Variants in CNTRL observed in about 807,000 individuals in gnomAD.
CNTRL encodes 110 kDa centrosomal protein.
A neutral mutation model predicts 303.7 loss-of-function variants in CNTRL; 233 were observed. The ratio of observed to expected loss-of-function variants is 0.77; its 90% CI spans 0.69 to 0.86. The LOEUF is 0.86. CNTRL is among the 40% of genes least tolerant of loss of function. CNTRL has a pLI of 0.00. For missense variants in CNTRL, 2,524 were observed against 2,650.6 expected (o/e 0.95, Z 1.05); for synonymous variants, 900 against 922.2 (o/e 0.98, Z 0.44).
chr9:121,140,501 G>A (rs1246738273), intron 16 of CNTRL, 140 bp from the exon 17 acceptor site: 7 of 661,262 alleles, frequency 1.1e-5, no homozygotes, highest in Admixed American at 3.6e-5. Context: ...TTAATCATAC[G>A]GAAATTTTAG....
At chr9:121,146,619 A>G (rs947707518) in intron 23 of CNTRL, among the ~76,000 whole-genome samples, 10 of 152,234 alleles carry the variant, frequency 6.6e-5, no homozygotes, top group Non-Finnish European at 1.5e-4. Context: ...TTCAGTGTTT[A>G]CTGAAGCCTA....
At chr9:121,172,254 G>A (rs915506437) in intron 40 of CNTRL, among the ~76,000 whole-genome samples, 2 of 152,228 alleles carry the variant, frequency 1.3e-5, no homozygotes, top group Admixed American at 1.3e-4. Flanking sequence ...AAGGCAATTA[G>A]CAGTAGGTAT....
intron 7 of CNTRL, among the ~76,000 whole-genome samples, chr9:121,107,161 T>A (rs988105513): frequency 1.3e-4 from 20 of 151,942 alleles, no homozygotes; most frequent in South Asian, 4.2e-4. Flanking sequence ...CTTCTCAAAA[T>A]TTTTTTTTAA....
chr9:121,154,700 G>A (rs369866617), intron 26 of CNTRL, 21 bp from the exon 27 acceptor site: 1 of 1,434,030 alleles, frequency 7.0e-7, no homozygotes. Flanking sequence ...TTTTTTAATG[G>A]GTGTATATAT....
At chr9:121,154,689 A>AT in intron 26 of CNTRL, 32 bp from the exon 27 acceptor site, 1 of 1,369,620 alleles carries the variant, frequency 7.3e-7, no homozygotes, top group African/African-American at 1.4e-5. Context: ...TACATTTAAC[A>AT]TTTTTTAATG....
In CNTRL at chr9:121,158,891, A is replaced by G; in HGVS notation, c.4801A>G (p.Arg1601Gly). ...GCAGCAGGAGATGGCTGTCTTGGAC[A>G]GGCAGTTAGGGCATAAAAAGGAGGA... ...SQQQEMAVLD[R>G]QLGHKKEELH... is the part of the protein sequence containing the mutation. Residue 1601 changes from arginine (R) to glycine (G), a missense_variant, in exon 31 of 44, where the codon AGG becomes GGG. Coordinates refer to ENST00000373855, the MANE Select transcript of CNTRL (RefSeq NM_007018.6). 1.2e-6 allele frequency: 2 copies of G among 1,614,148 alleles called. No homozygotes were observed. Among genetic ancestry groups the G allele is most frequent in the Non-Finnish European group, 1.7e-6 (2 of 1,180,020 alleles).
At chr9:121,124,849 G>T (rs2050420889) in intron 13 of CNTRL, among the ~76,000 whole-genome samples, 1 of 151,678 alleles carries the variant, frequency 6.6e-6, no homozygotes, top group African/African-American at 2.4e-5. Context: ...GAGACTGAGG[G>T]TGGAGGATCA....
At chr9:121,177,019 T>G (rs777242590) in intron 43 of CNTRL, 144 bp from the exon 44 acceptor site, 5 of 670,454 alleles carry the variant, frequency 7.5e-6, no homozygotes, top group Non-Finnish European at 1.3e-5. Context: ...TCTCAGAATT[T>G]TGTACACTGG....
chr9:121,108,902 A>C (rs932005636), intron 8 of CNTRL, among the ~76,000 whole-genome samples: 3 of 152,240 alleles, frequency 2.0e-5, no homozygotes, highest in Admixed American at 6.5e-5. Context: ...CCCAGATATT[A>C]ATACTTTGTT....
At chr9:121,148,498 G>T (rs1041654047) in intron 23 of CNTRL, among the ~76,000 whole-genome samples, 174 bp from the exon 24 acceptor site, 1 of 152,156 alleles carries the variant, frequency 6.6e-6, no homozygotes, top group Non-Finnish European at 1.5e-5. Flanking sequence ...GTATGGAACT[G>T]CAGTTTATGT....
In CNTRL at chr9:121,148,851, T is replaced by G. The variant is rs1473295942; in HGVS notation, c.3639T>G (p.Phe1213Leu). Reference protein sequence around the residue: ...SPIRSGLHKLFPSRDADSGGD... With the variant: ...SPIRSGLHKLLPSRDADSGGD... The stretch of plus-strand genomic sequence containing the variant: ...TCAGGAGTGGGTTACATAAACTGTT[T>G]CCAAGTAGAGGTAAGTCAAATCACA... Residue 1213 changes from phenylalanine (F) to leucine (L), a missense_variant, in exon 24 of 44, where the codon TTT (phenylalanine) becomes TTG (leucine). Physicochemically the swap from Phe to Leu is conservative, Grantham distance 22. Transcript: ENST00000373855. 6 of 1,612,368 alleles carry G rather than the reference T, an allele frequency of 3.7e-6. No individual in the cohort carries two copies. Among genetic ancestry groups the G allele is most frequent in the Middle Eastern group, 1.9e-4 (1 of 5,382 alleles).
chr9:121,177,027 T>C, intron 43 of CNTRL, 136 bp from the exon 44 acceptor site: 1 of 689,422 alleles, frequency 1.5e-6, no homozygotes, highest in Non-Finnish European at 2.5e-6. Context: ...TTTTGTACAC[T>C]GGTTCATCTT....
chr9:121,166,231 C>G, intron 36 of CNTRL, 51 bp downstream of exon 36: 1 of 1,316,330 alleles, frequency 7.6e-7, no homozygotes, highest in Non-Finnish European at 1.1e-6. Context: ...GTATGCAGAC[C>G]ATTGGTTTAA....
intron 1 of CNTRL, among the ~76,000 whole-genome samples, chr9:121,078,008 AT>A (rs1423506658): frequency 2.0e-5 from 3 of 152,182 alleles, no homozygotes; most frequent in African/African-American, 4.8e-5. Flanking sequence ...CTTTTAATCC[AT>A]TTAATTAGGA....
intron 16 of CNTRL, among the ~76,000 whole-genome samples, 162 bp from the exon 17 acceptor site, chr9:121,140,479 G>T (rs2051442143): frequency 6.6e-6 from 1 of 152,212 alleles, no homozygotes; most frequent in African/African-American, 2.4e-5. Context: ...GTTACACTGA[G>T]TTTGAAGTAG....
intron 2 of CNTRL, among the ~76,000 whole-genome samples, chr9:121,081,458 C>A (rs921260815): frequency 6.6e-6 from 1 of 152,276 alleles, no homozygotes; most frequent in Admixed American, 6.5e-5. Flanking sequence ...AGGACTCAGT[C>A]CCACAAGAGT....
At chr9:121,163,399 A>C (rs575047693) in intron 34 of CNTRL, among the ~76,000 whole-genome samples, 3 of 150,944 alleles carry the variant, frequency 2.0e-5, no homozygotes, top group Non-Finnish European at 4.4e-5. Context: ...AAACCTAAAT[A>C]TAAAACTTCT....
Position 121,141,375 on chromosome 9 carries a change from T to A in CNTRL, c.2484-6T>A. ...CATTTATACCATTTTTCCCCCTCCT[T>A]ACTAGCATCCATAGTCCTTCAGATG... On this transcript the variant is annotated splice_polypyrimidine_tract_variant and splice_region_variant and intron_variant, in intron 17 of 43. Transcript: ENST00000373855. 5 of 1,606,912 alleles carry A rather than the reference T, an allele frequency of 3.1e-6. No homozygotes were observed. The highest frequency in any genetic ancestry group is 4.3e-6 in the Non-Finnish European group (5 of 1,174,042).
chr9:121,173,616 T>C, intron 41 of CNTRL, 59 bp from the exon 42 acceptor site: 2 of 1,611,404 alleles, frequency 1.2e-6, no homozygotes, highest in Non-Finnish European at 1.7e-6. Flanking sequence ...GAAAGGCTGG[T>C]TGGCTTCCAT....
Sources: gnomAD v4.1 joint callset for allele counts (sites outside exome capture counted in the v4.1 genomes callset) on GRCh38, gnomAD v4.1.1 for gene constraint, MANE v1.5 for transcripts, NCBI Gene and HGNC (gene_info 2026-07-23, HGNC 2026-07-21) for gene names.